IL1RAPL2: variants seen among roughly 807,000 people sequenced by gnomAD.
IL1RAPL2 encodes the protein interleukin 1 receptor accessory protein like 2.
IL1RAPL2 carries 3 observed loss-of-function variants against 44.1 expected under a neutral mutation model. The ratio of observed to expected loss-of-function variants is 0.07; its 90% CI spans 0.03 to 0.18. The LOEUF (loss-of-function observed/expected upper bound fraction) is 0.18. Among genes scored for constraint, IL1RAPL2 ranks in the 10% least tolerant of loss-of-function variants. The pLI is 1.00. For missense variants in IL1RAPL2, 391 were observed against 496.4 expected (o/e 0.79, Z 2.02); for synonymous variants, 181 against 178.8 (o/e 1.01, Z -0.10).
chrX:105,028,341 T>A (rs747687341), intron 2 of IL1RAPL2, among the ~76,000 whole-genome samples: 1 of 111,715 alleles, frequency 9.0e-6, no homozygotes, highest in Non-Finnish European at 1.9e-5. Context: ...GTAATTAGAT[T>A]TATTTGTAAT....
At chrX:104,743,214 T>G (rs1056819341) in intron 2 of IL1RAPL2, among the ~76,000 whole-genome samples, 3 of 111,165 alleles carry the variant, frequency 2.7e-5, no homozygotes, top group African/African-American at 9.8e-5. Context: ...TTCTTAAATA[T>G]ACAGTAATAT....
rs187658010 is a variant in IL1RAPL2, at chrX:104,717,887, C to T, written c.82+58892C>T. On this transcript the variant is annotated intron_variant, in intron 2 of 10. Coordinates refer to ENST00000372582, the MANE Select transcript of IL1RAPL2 (RefSeq NM_017416.2). ...TTTTTGTCATTGCGATAGTTTGCTGCGAATGATGGTTTCCAGCTTCATCCA... is the reference window on the plus strand; with the variant it reads ...TTTTTGTCATTGCGATAGTTTGCTGTGAATGATGGTTTCCAGCTTCATCCA... Among the ~76,000 whole-genome samples the T allele has an allele frequency of 2.4e-3, 259 of 109,396 alleles. 4 individuals carry two copies. In the East Asian group the frequency reaches 0.042, roughly 18 times the overall value. 95.0% of individuals were successfully genotyped at this position (109,396 alleles called of 115,157 possible). A position where few individuals can be genotyped will look rare whatever the true frequency, so the allele number is the denominator to read the frequency against.
intron 6 of IL1RAPL2, among the ~76,000 whole-genome samples, chrX:105,527,760 T>C (rs1233099334): frequency 4.5e-5 from 5 of 111,203 alleles, no homozygotes; most frequent in Admixed American, 9.6e-5. Context: ...TAGGTGACAG[T>C]GGCAGGACTT....
rs1325994874 is a variant in IL1RAPL2 at position 105,366,582 on chromosome X, ATTTC to A, written c.697+99044_697+99047del. On this transcript the variant is annotated intron_variant, in intron 5 of 10. Transcript: ENST00000372582. ...CAAGATATTTTTTATTTTTATTTTT[ATTTC>A]TTCTTCAACCCATTGGTTGTTCAGA... Among the ~76,000 whole-genome samples the A allele has an allele frequency of 2.7e-5, 3 of 109,850 alleles. No individual in the cohort carries two copies. In the East Asian group the frequency reaches 8.6e-4, roughly 31 times the overall value.
intron 2 of IL1RAPL2, among the ~76,000 whole-genome samples, chrX:105,056,370 G>T (rs971483136): frequency 9.0e-6 from 1 of 111,615 alleles, no homozygotes; most frequent in African/African-American, 3.3e-5. Context: ...ATCCTGTATT[G>T]CATTGTCTAT....
At chrX:105,561,541 A>G (rs2036937474) in intron 6 of IL1RAPL2, among the ~76,000 whole-genome samples, 1 of 111,816 alleles carries the variant, frequency 8.9e-6, no homozygotes. Flanking sequence ...ATCAAATCTA[A>G]ATGAACGTGA....
At chrX:105,317,019 G>A (rs1171676653) in intron 5 of IL1RAPL2, among the ~76,000 whole-genome samples, 1 of 111,077 alleles carries the variant, frequency 9.0e-6, no homozygotes, top group Non-Finnish European at 1.9e-5. Context: ...TCACTTTGGT[G>A]ACCTTAGGCT....
At chrX:105,756,112 A>G (rs1205312672) in intron 10 of IL1RAPL2, among the ~76,000 whole-genome samples, 1 of 112,197 alleles carries the variant, frequency 8.9e-6, no homozygotes, top group African/African-American at 3.2e-5. Context: ...ACTTATTTGC[A>G]TATAAGTACT....
At chrX:105,130,734 A>T (rs189148412) in intron 2 of IL1RAPL2, among the ~76,000 whole-genome samples, 64 of 111,180 alleles carry the variant, frequency 5.8e-4, no homozygotes, top group African/African-American at 2.0e-3. Context: ...GACTTTCAGG[A>T]TCATTTCAGA....
Position 105,663,862 on chromosome X carries a change from G to T in IL1RAPL2, c.773-53505G>T, listed in dbSNP as rs571636784. Among the ~76,000 whole-genome samples, 20 of 108,860 alleles carry T rather than the reference G, an allele frequency of 1.8e-4. 2 individuals are homozygous for T. In the South Asian group the frequency reaches 7.5e-3, roughly 41 times the overall value. 94.5% of individuals were successfully genotyped at this position (108,860 alleles called of 115,157 possible). A position where few individuals can be genotyped will look rare whatever the true frequency, so the allele number is the denominator to read the frequency against. On this transcript the variant is annotated intron_variant, in intron 6 of 10. Coordinates refer to ENST00000372582, the MANE Select transcript of IL1RAPL2 (RefSeq NM_017416.2). ...CCAGCTTGAAGATTATTGTAAAAAA[G>T]AAAAGAAAAGAAAAGAAAATTTGTG...
At chrX:104,854,910 A>T (rs190459846) in intron 2 of IL1RAPL2, among the ~76,000 whole-genome samples, 1 of 111,592 alleles carries the variant, frequency 9.0e-6, no homozygotes, top group East Asian at 2.8e-4. Context: ...AGAAGAAGAG[A>T]ACATTGTGTT....
chrX:104,665,384 G>T (rs1180967486), intron 2 of IL1RAPL2, among the ~76,000 whole-genome samples: 1 of 109,426 alleles, frequency 9.1e-6, no homozygotes, highest in African/African-American at 3.3e-5. Context: ...TAATTTTTTG[G>T]TTCTTGATTT....
At chrX:105,409,888 G>GT (rs1465308490) in intron 5 of IL1RAPL2, among the ~76,000 whole-genome samples, 5 of 107,866 alleles carry the variant, frequency 4.6e-5, no homozygotes, top group Admixed American at 2.0e-4. Flanking sequence ...TGTGGGGGGG[G>GT]GGTTGGAAAA....
intron 2 of IL1RAPL2, among the ~76,000 whole-genome samples, chrX:104,713,859 G>A (rs1040936030): frequency 9.0e-6 from 1 of 110,698 alleles, no homozygotes; most frequent in African/African-American, 3.3e-5. Flanking sequence ...ATGGGCCATT[G>A]GTCAGAATTA....
At chrX:105,379,564 A>G (rs1204634738) in intron 5 of IL1RAPL2, among the ~76,000 whole-genome samples, 1 of 111,672 alleles carries the variant, frequency 9.0e-6, no homozygotes, top group Non-Finnish European at 1.9e-5. Flanking sequence ...ATATGAGGGT[A>G]TGACAGAGCT....
chrX:105,541,006 T>G (rs1418685753), intron 6 of IL1RAPL2, among the ~76,000 whole-genome samples: 1 of 99,510 alleles, frequency 1.0e-5, no homozygotes, highest in Non-Finnish European at 2.0e-5. Context: ...ATCAGCCCTC[T>G]TTTCTTCATA....
chrX:105,242,629 C>A (rs1211656112), intron 4 of IL1RAPL2, among the ~76,000 whole-genome samples: 2 of 111,492 alleles, frequency 1.8e-5, no homozygotes, highest in Non-Finnish European at 3.8e-5. Flanking sequence ...AAATTTATAT[C>A]TCATAAGCAG....
At chrX:104,662,137 GGTTT>G (rs1340291413) in intron 2 of IL1RAPL2, among the ~76,000 whole-genome samples, 2 of 111,845 alleles carry the variant, frequency 1.8e-5, no homozygotes, top group Admixed American at 1.9e-4. Context: ...TTTGGAGGTT[GGTTT>G]GTTTGTTTTA....
At chrX:104,916,092 C>A (rs1173777694) in intron 2 of IL1RAPL2, among the ~76,000 whole-genome samples, 1 of 111,523 alleles carries the variant, frequency 9.0e-6, no homozygotes, top group Non-Finnish European at 1.9e-5. Flanking sequence ...GTAGTTTTTT[C>A]CAATTCTGTG....
Sources: gnomAD v4.1 joint callset for allele counts (sites outside exome capture counted in the v4.1 genomes callset) on GRCh38, gnomAD v4.1.1 for gene constraint, MANE v1.5 for transcripts, NCBI Gene and HGNC (gene_info 2026-07-23, HGNC 2026-07-21) for gene names.